STX8: variants seen among roughly 807,000 people sequenced by gnomAD.
STX8 encodes the protein syntaxin 8, also known as syntaxin-8.
In STX8, 23 loss-of-function variants were observed where a neutral mutation model predicts 37.5. That is an observed-to-expected ratio of 0.61 (90% CI 0.44 to 0.87). STX8 has a LOEUF of 0.87. Among genes scored for constraint, STX8 ranks in the 40% least tolerant of loss-of-function variants. The probability of loss-of-function intolerance (pLI) is 0.00; values close to 1 mark genes in which losing one functional copy is unlikely to be tolerated. For missense variants in STX8, 313 were observed against 284.7 expected, an observed-to-expected ratio of 1.10 and a Z score of -0.71; for synonymous variants, 115 against 99.1, an observed-to-expected ratio of 1.16 and a Z score of -0.95.
chr17:9,267,596 CCTT>C (rs1383098906), intron 7 of STX8, among the ~76,000 whole-genome samples: 1 of 152,190 alleles, frequency 6.6e-6, no homozygotes, highest in Admixed American at 6.5e-5. Context: ...TTCTTGAAAA[CCTT>C]CTCTAGCTCA....
chr17:9,419,720 T>C (rs1417015421), intron 6 of STX8, among the ~76,000 whole-genome samples: 1 of 152,164 alleles, frequency 6.6e-6, no homozygotes. Context: ...CTGAGAAGAC[T>C]GTGTTTCCTG....
intron 6 of STX8, among the ~76,000 whole-genome samples, chr17:9,401,191 C>A (rs528360066): frequency 9.8e-4 from 149 of 152,258 alleles, no homozygotes; most frequent in Non-Finnish European, 1.6e-3. Context: ...GTATTTAAAT[C>A]TAAAAATAAT....
At chr17:9,395,328 G>A (rs978861030) in intron 6 of STX8, among the ~76,000 whole-genome samples, 6 of 151,788 alleles carry the variant, frequency 4.0e-5, no homozygotes, top group Admixed American at 2.6e-4. Context: ...GCAGCTGGAC[G>A]CAGTGGCTCA....
At chr17:9,513,132 A>G (rs1905067755) in intron 4 of STX8, among the ~76,000 whole-genome samples, 1 of 152,174 alleles carries the variant, frequency 6.6e-6, no homozygotes, top group African/African-American at 2.4e-5. Context: ...TATCCAACAG[A>G]GGATTAATAT....
intron 6 of STX8, among the ~76,000 whole-genome samples, chr17:9,441,672 CTTTT>C (rs1161609414): frequency 8.6e-5 from 8 of 93,244 alleles, no homozygotes; most frequent in Admixed American, 2.6e-4. Flanking sequence ...AGCACCATGG[CTTTT>C]TTTTTTTTTT....
At chr17:9,518,844 G>A (rs1381252401) in intron 4 of STX8, among the ~76,000 whole-genome samples, 1 of 151,446 alleles carries the variant, frequency 6.6e-6, no homozygotes, top group Non-Finnish European at 1.5e-5. Context: ...ACTCCAGCCT[G>A]GGCGGCAGAG....
At position 9,518,696 on chromosome 17, in the gene STX8, G is replaced by A. The variant is rs186962957; in HGVS notation, c.324-13534C>T. On this transcript the variant is annotated intron_variant, in intron 4 of 7. Transcript: ENST00000306357. The stretch of plus-strand genomic sequence containing the variant: ...AGCCTGGCCAACATGGTGAAACCCC[G>A]TCTCTACTAAAAATACAAAAAATTA... 9.5e-4 allele frequency among the ~76,000 whole-genome samples: 144 copies of A among 152,004 alleles called. 1 individual carries two copies. In the East Asian group the frequency reaches 0.019, roughly 20 times the overall value.
chr17:9,478,649 T>C (rs1906193459), intron 6 of STX8, among the ~76,000 whole-genome samples: 1 of 152,238 alleles, frequency 6.6e-6, no homozygotes, highest in Non-Finnish European at 1.5e-5. Context: ...TTTCACACTG[T>C]GAAGCCCTCT....
chr17:9,538,866 T>C (rs962353154), intron 4 of STX8, among the ~76,000 whole-genome samples: 1 of 152,100 alleles, frequency 6.6e-6, no homozygotes, highest in African/African-American at 2.4e-5. Flanking sequence ...GGTTTTGGTT[T>C]TTTTTTTTCT....
chr17:9,556,751 AT>A (rs1906980518), intron 3 of STX8: 7 of 3,952 alleles, frequency 1.8e-3, no homozygotes, highest in African/African-American at 4.9e-3. Flanking sequence ...AATTTCTAAA[AT>A]ATATATATAT....
chr17:9,270,126 T>C (rs1907395614), intron 7 of STX8, among the ~76,000 whole-genome samples: 1 of 152,280 alleles, frequency 6.6e-6, no homozygotes, highest in Non-Finnish European at 1.5e-5. Context: ...AGAGCTCACA[T>C]AATACATATG....
intron 6 of STX8, among the ~76,000 whole-genome samples, chr17:9,412,673 C>G (rs1313601586): frequency 6.6e-6 from 1 of 152,200 alleles, no homozygotes; most frequent in Non-Finnish European, 1.5e-5. Flanking sequence ...CACACCCAGG[C>G]TCTCCATCCT....
At chr17:9,258,339 C>A (rs1906879820) in intron 7 of STX8, among the ~76,000 whole-genome samples, 1 of 152,226 alleles carries the variant, frequency 6.6e-6, no homozygotes. Context: ...TGGGCAAATA[C>A]ACGAAGAAAA....
chr17:9,440,530 T>TTTTA (rs762264881), intron 6 of STX8, among the ~76,000 whole-genome samples: 7,435 of 72,864 alleles, frequency 0.1, 554 homozygotes, highest in African/African-American at 0.29. Context: ...CAATGATTTT[T>TTTTA]TTTTTTTTTT....
chr17:9,452,135 T>C (rs548699311), intron 6 of STX8: 1 of 152,194 alleles, frequency 6.6e-6, no homozygotes, highest in South Asian at 2.1e-4. Context: ...TATAACTTAA[T>C]TTAGTAACTT....
rs1329344328 is a variant in STX8 at position 9,450,484 on chromosome 17, A to ATG, written c.541+41343_541+41344dup. Among the ~76,000 whole-genome samples the ATG allele has an allele frequency of 9.9e-5, 15 of 151,608 alleles. No homozygotes were observed. The East Asian group carries it at 2.3e-3, about 24-fold the overall frequency. On this transcript the variant is annotated intron_variant, in intron 6 of 7. Transcript: ENST00000306357. ...AATTCTCCAAGACCCATATATACGG[A>ATG]TGTGTGTGTGTTAGAGATAGAATCT...
At chr17:9,374,389 A>T (rs1365066640) in intron 7 of STX8, among the ~76,000 whole-genome samples, 3 of 152,182 alleles carry the variant, frequency 2.0e-5, no homozygotes, top group Middle Eastern at 3.4e-3. Flanking sequence ...GCCAAAAGAA[A>T]TTTTTTTAAA....
intron 7 of STX8, among the ~76,000 whole-genome samples, chr17:9,297,562 G>A (rs765832151): frequency 6.6e-6 from 1 of 152,200 alleles, no homozygotes; most frequent in Non-Finnish European, 1.5e-5. Flanking sequence ...CTAGGCAACA[G>A]CAAGTACTCA....
intron 7 of STX8, among the ~76,000 whole-genome samples, chr17:9,345,848 C>CTTTTTTTTTTTTT (rs545020159): frequency 0.065 from 3,363 of 52,106 alleles, 1,088 homozygotes; most frequent in Non-Finnish European, 0.089. Context: ...TTATGCATTC[C>CTTTTTTTTTTTTT]TTTTTTTTTT....
Sources: allele counts gnomAD v4.1 joint callset (sites outside exome capture counted in the v4.1 genomes callset), GRCh38; gene constraint gnomAD v4.1.1; transcripts MANE v1.5; gene names NCBI Gene and HGNC (gene_info 2026-07-23, HGNC 2026-07-21).